Variants in CAPRIN1 observed in about 807,000 individuals in gnomAD.
The protein encoded by CAPRIN1 is caprin-1.
In CAPRIN1, 29 loss-of-function variants were observed where a neutral mutation model predicts 100.9. The ratio of observed to expected loss-of-function variants is 0.29; its 90% CI spans 0.21 to 0.39. The LOEUF (loss-of-function observed/expected upper bound fraction) is 0.39, where lower values mean the gene tolerates loss of function less well. Among genes scored for constraint, CAPRIN1 ranks in the 10% least tolerant of loss-of-function variants. The pLI is 1.00. For missense variants in CAPRIN1, 795 were observed against 876.7 expected (o/e 0.91, Z 1.18); for synonymous variants, 338 against 307.5 (o/e 1.10, Z -1.04).
At chr11:34,090,118 GTT>G in intron 12 of CAPRIN1, 59 bp from the exon 13 acceptor site, 2 of 1,046,564 alleles carry the variant, frequency 1.9e-6, no homozygotes, top group Non-Finnish European at 1.5e-6. Flanking sequence ...GAGGTAACTT[GTT>G]TTTTTAACAG....
chr11:34,093,383 A>G (rs1565097734), intron 15 of CAPRIN1, among the ~76,000 whole-genome samples: 1 of 151,688 alleles, frequency 6.6e-6, no homozygotes, highest in East Asian at 1.9e-4. Context: ...TCCCACCTCT[A>G]CCTTATAGGC....
At chr11:34,063,520 C>T (rs1488193719) in intron 2 of CAPRIN1, among the ~76,000 whole-genome samples, 4 of 152,248 alleles carry the variant, frequency 2.6e-5, no homozygotes, top group Middle Eastern at 6.8e-3. Flanking sequence ...GGATATAGAG[C>T]GAGACTGGAT....
In CAPRIN1 at chr11:34,100,035, T is replaced by A. The variant is rs1272157154; in HGVS notation, c.*668T>A. ...ATAAGACAAAGCCAAGATGCAAAAT[T>A]AGGCTTTGATTGGCACTTTTTGAAA... On this transcript the variant is annotated 3_prime_UTR_variant, in exon 19 of 19. Coordinates refer to ENST00000341394, the MANE Select transcript of CAPRIN1 (RefSeq NM_005898.5). 6.5e-6 allele frequency: 1 copy of A among 152,678 alleles called. No individual in the cohort carries two copies. The highest frequency in any genetic ancestry group is 1.5e-5 in the Non-Finnish European group (1 of 68,038). The allele number at this position is 152,678 out of a possible 1,614,324, so 9.5% of individuals were successfully genotyped here.
rs959339123 is a variant in CAPRIN1 at position 34,098,235 on chromosome 11, G to A, written c.2065+474G>A. 3.0e-6 allele frequency: 3 copies of A among 987,660 alleles called. No homozygotes were observed. In the African/African-American group the frequency reaches 5.2e-5, roughly 17 times the overall value. 61.2% of individuals were successfully genotyped at this position (987,660 alleles called of 1,614,324 possible). ...TTAACATTTAGAGAACCATTTAGAA[G>A]TGATAGAACTAATGGAATTTGCAAT... On this transcript the variant is annotated intron_variant, in intron 18 of 18. Transcript: ENST00000341394.
intron 7 of CAPRIN1, among the ~76,000 whole-genome samples, chr11:34,082,606 C>A (rs902863761): frequency 6.6e-6 from 1 of 152,152 alleles, no homozygotes; most frequent in Admixed American, 6.5e-5. Flanking sequence ...CAGCATCCCC[C>A]CAACCAGAGT....
At chr11:34,054,172 C>G (rs1263084015) in intron 2 of CAPRIN1, among the ~76,000 whole-genome samples, 1 of 152,100 alleles carries the variant, frequency 6.6e-6, no homozygotes, top group Non-Finnish European at 1.5e-5. Context: ...CCTGTTTCAT[C>G]TTCGGTATTG....
At chr11:34,094,164 A>G (rs1280748847) in intron 15 of CAPRIN1, among the ~76,000 whole-genome samples, 1 of 151,910 alleles carries the variant, frequency 6.6e-6, no homozygotes, top group Non-Finnish European at 1.5e-5. Flanking sequence ...ATGAAATAAT[A>G]TGTATACATT....
intron 4 of CAPRIN1, 35 bp downstream of exon 4, chr11:34,072,022 C>A (rs371207017): frequency 3.5e-6 from 5 of 1,427,616 alleles, no homozygotes; most frequent in Non-Finnish European, 4.9e-6. Flanking sequence ...TTATGAAATA[C>A]TTTTGTTGTT....
At position 34,082,714 on chromosome 11, in the gene CAPRIN1, T is replaced by G. The variant is rs965764728; in HGVS notation, c.827-111T>G. On this transcript the variant is annotated intron_variant, in intron 7 of 18. Transcript: ENST00000341394. Reference sequence around the variant, plus strand: ...GGTTTACTCTTATTGTTAATAATTCTCTGGGTTTGGACAAATGCATAATGA... The same window carrying G: ...GGTTTACTCTTATTGTTAATAATTCGCTGGGTTTGGACAAATGCATAATGA... 71 of 739,566 alleles carry G rather than the reference T, an allele frequency of 9.6e-5. 2 individuals are homozygous for G. In the South Asian group the frequency reaches 1.1e-3, roughly 12 times the overall value. 45.8% of individuals were successfully genotyped at this position (739,566 alleles called of 1,614,324 possible).
intron 6 of CAPRIN1, among the ~76,000 whole-genome samples, chr11:34,078,726 T>A (rs1850953697): frequency 6.6e-6 from 1 of 152,206 alleles, no homozygotes; most frequent in South Asian, 2.1e-4. Flanking sequence ...AGTGGCTTCC[T>A]TTCCTTTTCT....
At position 34,076,231 on chromosome 11, in the gene CAPRIN1, T is replaced by C; in HGVS notation, c.367-5T>C. ...TTGGTGTTTTACTTTTATATTGTTT[T>C]GCAGATTCAGAAAACAATAAAGAAG... On this transcript the variant is annotated splice_polypyrimidine_tract_variant and splice_region_variant and intron_variant, in intron 4 of 18. Coordinates refer to ENST00000341394, the MANE Select transcript of CAPRIN1 (RefSeq NM_005898.5). 6.2e-7 allele frequency: 1 copy of C among 1,604,924 alleles called. No homozygotes were observed. Among genetic ancestry groups the C allele is most frequent in the Non-Finnish European group, 8.5e-7 (1 of 1,173,046 alleles).
At chr11:34,079,544 C>A in intron 6 of CAPRIN1, 84 bp from the exon 7 acceptor site, 3 of 1,123,072 alleles carry the variant, frequency 2.7e-6, no homozygotes, top group Non-Finnish European at 2.6e-6. Context: ...TTTTTAATCA[C>A]AATATTTTAT....
At chr11:34,075,346 A>G (rs1038750404) in intron 4 of CAPRIN1, among the ~76,000 whole-genome samples, 3 of 152,138 alleles carry the variant, frequency 2.0e-5, no homozygotes, top group Non-Finnish European at 4.4e-5. Flanking sequence ...AAGCACTACC[A>G]TGGCTTTTGA....
chr11:34,075,593 G>A (rs974787218), intron 4 of CAPRIN1, among the ~76,000 whole-genome samples: 1 of 152,136 alleles, frequency 6.6e-6, no homozygotes, highest in African/African-American at 2.4e-5. Flanking sequence ...GACTGGCAGC[G>A]GATTATTTGG....
At chr11:34,060,332 C>G (rs946637103) in intron 2 of CAPRIN1, among the ~76,000 whole-genome samples, 1 of 150,832 alleles carries the variant, frequency 6.6e-6, no homozygotes, top group African/African-American at 2.4e-5. Context: ...CAATACTGTT[C>G]TAAAAATATT....
At chr11:34,077,080 T>C (rs1850923405) in intron 6 of CAPRIN1, among the ~76,000 whole-genome samples, 1 of 152,240 alleles carries the variant, frequency 6.6e-6, no homozygotes, top group South Asian at 2.1e-4. Flanking sequence ...AATTTAGAAA[T>C]GTATACATAG....
chr11:34,083,733 G>A (rs1851077637), intron 9 of CAPRIN1, among the ~76,000 whole-genome samples: 1 of 152,088 alleles, frequency 6.6e-6, no homozygotes, highest in African/African-American at 2.4e-5. Context: ...GTAAGCTGAG[G>A]GTAATATGCT....
chr11:34,096,497 G>C lies in CAPRIN1; in HGVS notation c.1724G>C (p.Gly575Ala). The C allele has an allele frequency of 6.2e-7, 1 of 1,613,716 alleles. No individual in the cohort carries two copies. The highest frequency in any genetic ancestry group is 2.2e-5 in the East Asian group (1 of 44,880). The change falls in exon 16 of 19, where the codon GGT becomes GCT. Residue 575 changes from glycine to alanine, a missense_variant. Gly to Ala is a moderately conservative substitution (Grantham distance 60). This residue lies in a region of CAPRIN1 where 648 missense variants were observed against 697.9 expected (regional missense o/e 0.93). Transcript: ENST00000341394. The part of the protein sequence containing the change: ...QLQTVVGTYH[G>A]SPDQSHQVTG... Reference sequence around the variant, plus strand: ...ATTATAGTGGTTGGCACTTACCATGGTTCCCCAGACCAGTCCCATCAAGTG... The same window carrying C: ...ATTATAGTGGTTGGCACTTACCATGCTTCCCCAGACCAGTCCCATCAAGTG...
Position 34,097,265 on chromosome 11 carries a change from G to T in CAPRIN1, c.1970G>T (p.Ser657Ile). 6.2e-7 allele frequency: 1 copy of T among 1,613,828 alleles called. No homozygotes were observed. Among genetic ancestry groups the T allele is most frequent in the South Asian group, 1.1e-5 (1 of 91,074 alleles). The part of the protein sequence containing the change: ...PNSGYTQSQF[S>I]APRDYSGYQR... ...AGTGGTTATACACAGTCTCAGTTCA[G>T]TGCTCCCCGGGATTACTCTGGCTAT... Residue 657 changes from serine (S) to isoleucine (I), a missense_variant, in exon 17 of 19, where the codon AGT becomes ATT. Transcript: ENST00000341394.
Sources: allele counts gnomAD v4.1 joint callset (sites outside exome capture counted in the v4.1 genomes callset), GRCh38; gene constraint gnomAD v4.1.1; regional missense constraint gnomAD v4.1.1; transcripts MANE v1.5; gene names NCBI Gene and HGNC (gene_info 2026-07-23, HGNC 2026-07-21).